The following SLC1A1 variants were observed in gnomAD, a reference collection of about 807,000 sequenced individuals.
The protein encoded by SLC1A1 is solute carrier family 1 member 1, also known as excitatory amino acid transporter 3.
Under a neutral mutation model 53.3 loss-of-function variants are expected in SLC1A1, and 43 were observed. The ratio of observed to expected loss-of-function variants is 0.81; its 90% CI spans 0.63 to 1.04. SLC1A1 has a LOEUF of 1.04. Among genes scored for constraint, SLC1A1 ranks in the 50% least tolerant of loss-of-function variants. SLC1A1 has a pLI of 0.00. For synonymous variants in SLC1A1, 307 were observed against 243.2 expected, an observed-to-expected ratio of 1.26 and a Z score of -2.44; for missense variants, 748 against 664.9, an observed-to-expected ratio of 1.12 and a Z score of -1.37.
chr9:4,552,282 T>G (rs778547133), intron 2 of SLC1A1, among the ~76,000 whole-genome samples: 1 of 152,150 alleles, frequency 6.6e-6, no homozygotes, highest in Non-Finnish European at 1.5e-5. Flanking sequence ...AAAGAGTACA[T>G]TACAATGCTG....
rs1024576671 is a variant in SLC1A1, at chr9:4,581,399, G to A, written c.1194-1639G>A. Among the ~76,000 whole-genome samples the A allele has an allele frequency of 2.6e-5, 4 of 152,316 alleles. No homozygotes were observed. In the South Asian group the frequency reaches 8.3e-4, roughly 32 times the overall value. The stretch of plus-strand genomic sequence containing the variant: ...TTATATTATTTTCTCCCATCTGAAG[G>A]TTCATAGTTCTGAGTTTCAGACCAA... On this transcript the variant is annotated intron_variant, in intron 10 of 11. Coordinates refer to ENST00000262352, the MANE Select transcript of SLC1A1 (RefSeq NM_004170.6).
In SLC1A1 at chr9:4,490,650, C is replaced by T. The variant is rs1280434057; in HGVS notation, c.-30C>T. On this transcript the variant is annotated 5_prime_UTR_variant, in exon 1 of 12. Coordinates refer to ENST00000262352, the MANE Select transcript of SLC1A1 (RefSeq NM_004170.6). ...GTCGCCCAGCCCACGCGCGCACGGC[C>T]GAGCCCAGCGCACAATAGCGGCGAC... The T allele has an allele frequency of 9.4e-6, 15 of 1,595,472 alleles. No individual in the cohort carries two copies. Among genetic ancestry groups the T allele is most frequent in the Non-Finnish European group, 1.1e-5 (13 of 1,164,676 alleles).
intron 1 of SLC1A1, among the ~76,000 whole-genome samples, chr9:4,491,698 C>T (rs1434429789): frequency 6.6e-6 from 1 of 152,172 alleles, no homozygotes; most frequent in Non-Finnish European, 1.5e-5. Context: ...CCATATCTGT[C>T]GCCTTCCCAG....
At chr9:4,540,221 C>G (rs932347942) in intron 1 of SLC1A1, among the ~76,000 whole-genome samples, 1 of 152,054 alleles carries the variant, frequency 6.6e-6, no homozygotes, top group African/African-American at 2.4e-5. Context: ...TGGCCAGACT[C>G]TGGGGGAAGA....
chr9:4,505,600 A>G (rs1183104730), intron 1 of SLC1A1, among the ~76,000 whole-genome samples: 1 of 152,198 alleles, frequency 6.6e-6, no homozygotes, highest in Non-Finnish European at 1.5e-5. Context: ...AGATTAAGTT[A>G]GTTAGAATGA....
At chr9:4,569,066 C>T (rs376919915) in intron 6 of SLC1A1, among the ~76,000 whole-genome samples, 9 of 152,052 alleles carry the variant, frequency 5.9e-5, no homozygotes, top group Non-Finnish European at 8.8e-5. Context: ...TAGAGAGAGT[C>T]GACCACAAAG....
intron 1 of SLC1A1, among the ~76,000 whole-genome samples, chr9:4,510,376 C>T (rs192092569): frequency 6.6e-6 from 1 of 152,328 alleles, no homozygotes; most frequent in African/African-American, 2.4e-5. Flanking sequence ...CCAGTGGCAG[C>T]TTCTCTGTCT....
intron 1 of SLC1A1, among the ~76,000 whole-genome samples, chr9:4,520,576 A>G (rs1372632241): frequency 6.6e-6 from 1 of 152,232 alleles, no homozygotes; most frequent in Non-Finnish European, 1.5e-5. Flanking sequence ...AGGCTCATCC[A>G]TACCACAGCA....
rs560771031 is a variant in SLC1A1 at position 4,544,861 on chromosome 9, G to A, written c.232+154G>A. Among the ~76,000 whole-genome samples, 167 of 152,322 alleles carry A rather than the reference G, an allele frequency of 1.1e-3. 1 individual carries two copies. The highest frequency in any genetic ancestry group is 3.8e-3 in the African/African-American group (157 of 41,572). On this transcript the variant is annotated intron_variant, in intron 2 of 11. Coordinates refer to ENST00000262352, the MANE Select transcript of SLC1A1 (RefSeq NM_004170.6). ...TCTCAGGAAACTCACAATCATGGCG[G>A]AAGGCAAAGGGGAAGCAAGACAACC... is the stretch of plus-strand genomic sequence containing the variant.
rs1434970610 is a variant in SLC1A1, at chr9:4,556,268, C to T, written c.233-5181C>T. Among the ~76,000 whole-genome samples the T allele has an allele frequency of 1.3e-5, 2 of 152,178 alleles. No homozygotes were observed. Among genetic ancestry groups the T allele is most frequent in the Non-Finnish European group, 2.9e-5 (2 of 68,020 alleles). ...CTCCTGACCTCAGGTGATCCACCTG[C>T]CTGGGCCTCCCAAAGTGCTGGGATT... is the stretch of plus-strand genomic sequence containing the variant. On this transcript the variant is annotated intron_variant, in intron 2 of 11. Transcript: ENST00000262352. This position sits in a 1 kb window ranked among gnomAD's most constrained non-coding sequence, Gnocchi z 4.1.
chr9:4,514,515 T>C (rs1192052145), intron 1 of SLC1A1, among the ~76,000 whole-genome samples: 3 of 152,128 alleles, frequency 2.0e-5, no homozygotes, highest in African/African-American at 7.2e-5. Context: ...GGGAAGGCTT[T>C]CCAAATACAC....
rs149987978 is a variant in SLC1A1 at position 4,585,354 on chromosome 9, T to C, written c.1371T>C (p.Phe457=). The change falls in exon 12 of 12, where the codon TTT becomes TTC. Residue 457 remains phenylalanine, a synonymous_variant. Transcript: ENST00000262352. ...TGGTCAACGTCCTTGGTGATGCTTT[T>C]GGGACGGGCATTGTGGAAAAGCTCT... ...RTMVNVLGDA[F]GTGIVEKLSK... 6.1e-5 allele frequency: 99 copies of C among 1,614,044 alleles called. No homozygotes were observed. The highest frequency in any genetic ancestry group is 7.7e-5 in the Non-Finnish European group (91 of 1,180,026).
intron 1 of SLC1A1, among the ~76,000 whole-genome samples, chr9:4,541,045 T>C (rs1816961403): frequency 6.6e-6 from 1 of 152,154 alleles, no homozygotes; most frequent in African/African-American, 2.4e-5. Flanking sequence ...GTGTCTGTGG[T>C]GGGAAGGAAG....
chr9:4,541,022 C>T (rs932333001), intron 1 of SLC1A1, among the ~76,000 whole-genome samples: 2 of 152,170 alleles, frequency 1.3e-5, no homozygotes, highest in Non-Finnish European at 2.9e-5. Flanking sequence ...CAAGCATCTG[C>T]TTGAAATTAC....
intron 1 of SLC1A1, among the ~76,000 whole-genome samples, chr9:4,509,656 A>T (rs1820929745): frequency 1.3e-5 from 2 of 152,104 alleles, no homozygotes; most frequent in African/African-American, 4.8e-5. Flanking sequence ...GAGGCAAGGA[A>T]CCCTGGATCA....
At position 4,576,053 on chromosome 9, in the gene SLC1A1, C is replaced by T. The variant is rs768807183; in HGVS notation, c.928C>T (p.Arg310Ter). ...ILPLIYFIVV[R>*]KNPFRFAMGM... ...CCCGCTGATATATTTCATAGTCGTA[C>T]GAAAGAACCCTTTCCGATTTGCCAT... is the stretch of plus-strand genomic sequence containing the variant. Residue 310 changes from arginine to a stop codon, truncating the protein, a stop_gained, in exon 9 of 12, where the codon CGA becomes TGA. Transcript: ENST00000262352. LOFTEE classifies it high-confidence loss of function. 9.9e-6 allele frequency: 16 copies of T among 1,613,332 alleles called. No homozygotes were observed. The highest frequency in any genetic ancestry group is 4.5e-5 in the East Asian group (2 of 44,882).
chr9:4,544,353 A>T (rs1482598544), intron 1 of SLC1A1, among the ~76,000 whole-genome samples: 1 of 152,152 alleles, frequency 6.6e-6, no homozygotes, highest in African/African-American at 2.4e-5. Context: ...TCATGTATAG[A>T]ATACTTTTTA....
At chr9:4,496,028 T>A (rs1820403365) in intron 1 of SLC1A1, among the ~76,000 whole-genome samples, 1 of 151,354 alleles carries the variant, frequency 6.6e-6, no homozygotes, top group Non-Finnish European at 1.5e-5. Context: ...TGGAGTGGAG[T>A]GTCGACTTAA....
At chr9:4,494,827 C>T (rs1586683506) in intron 1 of SLC1A1, among the ~76,000 whole-genome samples, 1 of 152,226 alleles carries the variant, frequency 6.6e-6, no homozygotes, top group Non-Finnish European at 1.5e-5. Context: ...CTTATATCCT[C>T]ACCCTATTCA....
Sources: gnomAD v4.1 joint callset for allele counts (sites outside exome capture counted in the v4.1 genomes callset) on GRCh38, gnomAD v4.1.1 for gene constraint, Gnocchi (gnomAD v3.1) non-coding constraint, MANE v1.5 for transcripts, NCBI Gene and HGNC (gene_info 2026-07-23, HGNC 2026-07-21) for gene names.